RBFOX1: variants seen among roughly 807,000 people sequenced by gnomAD.
RBFOX1 encodes RNA binding protein fox-1 homolog 1.
Under a neutral mutation model 57.7 loss-of-function variants are expected in RBFOX1, and 8 were observed. The ratio of observed to expected loss-of-function variants is 0.14; its 90% CI spans 0.08 to 0.25. The LOEUF is 0.25. RBFOX1 is among the 10% of genes least tolerant of loss of function. The pLI is 1.00. For synonymous variants in RBFOX1, 326 were observed against 222.4 expected, an observed-to-expected ratio of 1.47 and a Z score of -4.15; for missense variants, 611 against 548.5, an observed-to-expected ratio of 1.11 and a Z score of -1.14.
chr16:5,809,870 G>A (rs957685400), intron 3 of RBFOX1, among the ~76,000 whole-genome samples: 1 of 152,042 alleles, frequency 6.6e-6, no homozygotes, highest in Non-Finnish European at 1.5e-5. Flanking sequence ...AAAGACACAT[G>A]CACACGTATG....
intron 3 of RBFOX1, among the ~76,000 whole-genome samples, chr16:6,814,868 T>C (rs931400955): frequency 3.9e-5 from 6 of 152,132 alleles, no homozygotes; most frequent in African/African-American, 1.4e-4. Context: ...AGAGGGTTCT[T>C]GGACCTTGCA....
chr16:6,507,957 T>C lies in RBFOX1; in HGVS notation c.-63-146646T>C, dbSNP rs142848611. 1.4e-3 allele frequency among the ~76,000 whole-genome samples: 208 copies of C among 152,156 alleles called. No individual in the cohort carries two copies. In the Middle Eastern group the frequency reaches 0.021, roughly 15 times the overall value. On this transcript the variant is annotated intron_variant, in intron 2 of 15. Coordinates refer to ENST00000550418, the MANE Select transcript of RBFOX1 (RefSeq NM_018723.4). ...TTTTCACAATAGCAAAGACATGGAA[T>C]CAACCTAAATGCCCATCAATGATAG...
At chr16:5,456,496 C>A (rs1039150667) in intron 1 of RBFOX1, among the ~76,000 whole-genome samples, 5 of 152,268 alleles carry the variant, frequency 3.3e-5, no homozygotes, top group South Asian at 2.1e-4. Flanking sequence ...TGATGATAGT[C>A]ATGATAGCAA....
At chr16:7,023,915 A>C (rs1322102372) in intron 3 of RBFOX1, among the ~76,000 whole-genome samples, 1 of 152,186 alleles carries the variant, frequency 6.6e-6, no homozygotes, top group Non-Finnish European at 1.5e-5. Context: ...GTTGAAAACA[A>C]GGAAGACTCC....
rs1198872494 is a variant in RBFOX1, at chr16:7,067,377, G to A, written c.27+15279G>A. ...GTTCTTTAGGTCAGAATTTCAACAA[G>A]AATCTCACTGAAGTAAAACTGAAAT... On this transcript the variant is annotated intron_variant, in intron 4 of 15. Transcript: ENST00000550418. Among the ~76,000 whole-genome samples, 5 of 151,208 alleles carry A rather than the reference G, an allele frequency of 3.3e-5. No homozygotes were observed. The East Asian group carries it at 7.8e-4, about 23-fold the overall frequency.
Position 7,547,170 on chromosome 16 carries a change from T to C in RBFOX1, c.270+28781T>C, listed in dbSNP as rs527785446. 5.9e-5 allele frequency among the ~76,000 whole-genome samples: 9 copies of C among 152,336 alleles called. No individual in the cohort carries two copies. In the East Asian group the frequency reaches 1.7e-3, roughly 29 times the overall value. ...CAGCCCTGCATATTGGCTTTCAGCT[T>C]GATAAATACTTTCTTATAAGGCCAT... is the stretch of plus-strand genomic sequence containing the variant. On this transcript the variant is annotated intron_variant, in intron 5 of 15. Transcript: ENST00000550418.
At chr16:5,758,493 T>C in intron 3 of RBFOX1, among the ~76,000 whole-genome samples, 1 of 152,272 alleles carries the variant, frequency 6.6e-6, no homozygotes, top group Admixed American at 6.5e-5. Context: ...GTCTGTTGGA[T>C]GAGAGCATTG....
chr16:7,210,034 T>A (rs2090812169), intron 4 of RBFOX1, among the ~76,000 whole-genome samples: 1 of 152,196 alleles, frequency 6.6e-6, no homozygotes, highest in Non-Finnish European at 1.5e-5. Context: ...AAACCAGGGA[T>A]AGCGACGCTC....
intron 4 of RBFOX1, among the ~76,000 whole-genome samples, chr16:6,010,278 C>T (rs959894780): frequency 6.6e-6 from 1 of 152,172 alleles, no homozygotes; most frequent in South Asian, 2.1e-4. Context: ...CCTCCCCTCC[C>T]CAGGATAACC....
chr16:6,912,905 C>T (rs1219708320), intron 3 of RBFOX1, among the ~76,000 whole-genome samples: 2 of 152,278 alleles, frequency 1.3e-5, no homozygotes, highest in African/African-American at 2.4e-5. Flanking sequence ...CAGGCATGAG[C>T]CACCAAGCCC....
chr16:7,498,358 G>C (rs115321003), intron 4 of RBFOX1, among the ~76,000 whole-genome samples: 1 of 152,064 alleles, frequency 6.6e-6, no homozygotes, highest in African/African-American at 2.4e-5. Context: ...GTCTCACTCA[G>C]CCTCTATGAC....
At chr16:5,670,211 G>T (rs73514576) in intron 3 of RBFOX1, among the ~76,000 whole-genome samples, 6,844 of 152,238 alleles carry the variant, frequency 0.045, 509 homozygotes, top group African/African-American at 0.16. Flanking sequence ...CTGCTTAACG[G>T]GTCTGAGGTT....
intron 1 of RBFOX1, among the ~76,000 whole-genome samples, chr16:6,299,563 C>A (rs1011705351): frequency 6.6e-6 from 1 of 152,046 alleles, no homozygotes; most frequent in Admixed American, 6.5e-5. Flanking sequence ...TTCCCAAGAC[C>A]CCAGCGTCAT....
intron 4 of RBFOX1, among the ~76,000 whole-genome samples, chr16:7,253,049 T>A (rs1387464761): frequency 6.6e-6 from 1 of 152,222 alleles, no homozygotes; most frequent in East Asian, 1.9e-4. Flanking sequence ...ATCTTTTCCA[T>A]CTTTTTCATT....
At position 5,467,395 on chromosome 16, in the gene RBFOX1, T is replaced by G. The variant is rs2068987466; in HGVS notation, c.258+141T>G. 1.3e-5 allele frequency: 10 copies of G among 752,220 alleles called. No individual in the cohort carries two copies. The East Asian group carries it at 2.9e-4, about 22-fold the overall frequency. The allele number at this position is 752,220 out of a possible 1,614,324, so 46.6% of individuals were successfully genotyped here. On this transcript the variant is annotated intron_variant, in intron 2 of 2. Coordinates refer to the RBFOX1 transcript ENST00000585867. ...AATCAACCACAGCACAGTTCATCCC[T>G]TAGCAAGAAGGTCACTACTAATTGA...
intron 4 of RBFOX1, among the ~76,000 whole-genome samples, chr16:7,148,000 A>C (rs1601001887): frequency 6.6e-6 from 1 of 152,316 alleles, no homozygotes; most frequent in African/African-American, 2.4e-5. Context: ...CAAGAGGTAT[A>C]CAAAGGTAAG....
At chr16:5,917,041 G>A (rs1597783535) in intron 4 of RBFOX1, among the ~76,000 whole-genome samples, 1 of 152,028 alleles carries the variant, frequency 6.6e-6, no homozygotes, top group Admixed American at 6.6e-5. Flanking sequence ...CCACTGAGTC[G>A]CCCTTTCTCC....
intron 4 of RBFOX1, among the ~76,000 whole-genome samples, chr16:5,967,209 A>G (rs533463422): frequency 2.6e-5 from 4 of 152,220 alleles, no homozygotes; most frequent in Non-Finnish European, 4.4e-5. Flanking sequence ...TGCCAGTCCC[A>G]GGACTAGACC....
At chr16:5,429,155 C>T (rs78352226) in intron 1 of RBFOX1, among the ~76,000 whole-genome samples, 1 of 152,122 alleles carries the variant, frequency 6.6e-6, no homozygotes, top group Admixed American at 6.5e-5. Flanking sequence ...GTTTTCTTTT[C>T]ACTCTGTTAA....
Sources: gnomAD v4.1 joint callset for allele counts (sites outside exome capture counted in the v4.1 genomes callset) on GRCh38, gnomAD v4.1.1 for gene constraint, MANE v1.5 for transcripts, NCBI Gene and HGNC (gene_info 2026-07-23, HGNC 2026-07-21) for gene names.